PCDH9: variants seen among roughly 807,000 people sequenced by gnomAD.
PCDH9 encodes the protein protocadherin-9.
PCDH9 carries 24 observed loss-of-function variants against 70.6 expected under a neutral mutation model. The observed-to-expected ratio is 0.34, with a 90% CI of 0.25 to 0.48. The LOEUF is 0.48. Ranked by LOEUF, PCDH9 falls within the 20% of genes least tolerant of loss-of-function variation. The pLI, the probability that PCDH9 is intolerant of heterozygous loss-of-function variation, is 0.99. For synonymous variants in PCDH9, 562 were observed against 558.5 expected (o/e 1.01, Z -0.09); for missense variants, 1,281 against 1,503.6 (o/e 0.85, Z 2.45).
chr13:66,338,882 GA>G (rs34291752), intron 4 of PCDH9, among the ~76,000 whole-genome samples: 1 of 150,490 alleles, frequency 6.6e-6, no homozygotes, highest in East Asian at 1.9e-4. Context: ...TGGTAGAAGA[GA>G]AAAAAAAAGA....
chr13:66,862,110 T>C (rs1315655189), intron 3 of PCDH9, among the ~76,000 whole-genome samples: 1 of 152,204 alleles, frequency 6.6e-6, no homozygotes, highest in Non-Finnish European at 1.5e-5. Context: ...CTAAACAGTA[T>C]TAGCAGCATG....
intron 3 of PCDH9, among the ~76,000 whole-genome samples, chr13:66,885,743 T>C (rs2081994200): frequency 6.6e-6 from 1 of 152,176 alleles, no homozygotes; most frequent in South Asian, 2.1e-4. Flanking sequence ...TTGAAACTTA[T>C]AAGAATAAAA....
chr13:67,093,620 T>G (rs1486407998), intron 2 of PCDH9, among the ~76,000 whole-genome samples: 1 of 152,166 alleles, frequency 6.6e-6, no homozygotes, highest in Non-Finnish European at 1.5e-5. Context: ...TGTTTCTCAT[T>G]AGCAGACCAA....
intron 2 of PCDH9, among the ~76,000 whole-genome samples, chr13:67,140,739 T>A (rs2087362531): frequency 6.6e-6 from 1 of 152,200 alleles, no homozygotes; most frequent in Non-Finnish European, 1.5e-5. Flanking sequence ...TGCTTCTCTT[T>A]TTTTAGGATA....
At chr13:66,386,000 A>G (rs997638384) in intron 4 of PCDH9, among the ~76,000 whole-genome samples, 2 of 152,076 alleles carry the variant, frequency 1.3e-5, no homozygotes, top group East Asian at 3.9e-4. Context: ...ATCTGATAAA[A>G]AAAAAAAAAG....
chr13:67,028,439 G>C (rs1400238793), intron 2 of PCDH9, among the ~76,000 whole-genome samples: 1 of 104,342 alleles, frequency 9.6e-6, no homozygotes, highest in Non-Finnish European at 1.8e-5. Flanking sequence ...GAGGGGGGAG[G>C]GATAGCTTTA....
chr13:66,857,795 A>C (rs1438498330), intron 3 of PCDH9, among the ~76,000 whole-genome samples: 3 of 152,104 alleles, frequency 2.0e-5, no homozygotes, highest in Non-Finnish European at 4.4e-5. Flanking sequence ...TTTGTCCCAT[A>C]ATTATTTCTT....
At chr13:66,636,094 T>G (rs948523575) in intron 3 of PCDH9, among the ~76,000 whole-genome samples, 6 of 152,156 alleles carry the variant, frequency 3.9e-5, no homozygotes, top group African/African-American at 1.4e-4. Context: ...TGTGTGAATC[T>G]GCATAAGCTA....
chr13:66,797,757 A>AT lies in PCDH9; in HGVS notation c.3138+105746dup, dbSNP rs577812806. Among the ~76,000 whole-genome samples the AT allele has an allele frequency of 8.5e-5, 13 of 152,186 alleles. No homozygotes were observed. In the South Asian group the frequency reaches 1.2e-3, roughly 15 times the overall value. Reference sequence around the variant, plus strand: ...ATTTAAATAAAAACACATATTGCTTATTTTTTTAATATGGGACATCACTGT... The same window carrying AT: ...ATTTAAATAAAAACACATATTGCTTATTTTTTTTAATATGGGACATCACTGT... On this transcript the variant is annotated intron_variant, in intron 3 of 4. Coordinates refer to ENST00000377865, the MANE Select transcript of PCDH9 (RefSeq NM_203487.3).
At chr13:66,425,619 C>A (rs1358722520) in intron 4 of PCDH9, among the ~76,000 whole-genome samples, 2 of 151,306 alleles carry the variant, frequency 1.3e-5, no homozygotes, top group African/African-American at 2.4e-5. Flanking sequence ...TTATAAAATC[C>A]TCCAAAGTTA....
At chr13:67,107,177 T>G (rs2086563245) in intron 2 of PCDH9, among the ~76,000 whole-genome samples, 2 of 150,642 alleles carry the variant, frequency 1.3e-5, no homozygotes, top group African/African-American at 4.9e-5. Context: ...GATCTTATGG[T>G]GCTTTTCATG....
intron 4 of PCDH9, among the ~76,000 whole-genome samples, chr13:66,355,014 C>A (rs1956356161): frequency 6.6e-6 from 1 of 152,128 alleles, no homozygotes; most frequent in Admixed American, 6.6e-5. Flanking sequence ...AACAAGCTCC[C>A]AGGTGCTGTT....
At chr13:66,562,573 A>T (rs1056580436) in intron 4 of PCDH9, among the ~76,000 whole-genome samples, 2 of 152,310 alleles carry the variant, frequency 1.3e-5, no homozygotes, top group Admixed American at 1.3e-4. Context: ...ACTGCCCTTT[A>T]TAAAACCATC....
At chr13:67,132,447 A>G (rs1169470235) in intron 2 of PCDH9, among the ~76,000 whole-genome samples, 2 of 152,120 alleles carry the variant, frequency 1.3e-5, no homozygotes, top group Non-Finnish European at 2.9e-5. Context: ...AGGTGAGTTC[A>G]CTATAAAGTT....
At chr13:66,914,082 A>C (rs899195880) in intron 2 of PCDH9, among the ~76,000 whole-genome samples, 1 of 151,964 alleles carries the variant, frequency 6.6e-6, no homozygotes, top group African/African-American at 2.4e-5. Context: ...ACAAGCCTAA[A>C]ACCTAACTAA....
At chr13:66,682,600 C>A (rs1416503223) in intron 3 of PCDH9, among the ~76,000 whole-genome samples, 1 of 151,830 alleles carries the variant, frequency 6.6e-6, no homozygotes, top group Non-Finnish European at 1.5e-5. Context: ...GGTCTCCTGG[C>A]TATTGAGTAC....
intron 2 of PCDH9, among the ~76,000 whole-genome samples, chr13:66,984,192 G>A (rs528785648): frequency 8.5e-5 from 13 of 152,084 alleles, no homozygotes; most frequent in South Asian, 2.1e-4. Flanking sequence ...TCTTTACTAC[G>A]TCAGATTCCA....
At chr13:67,127,696 G>GTGTC in intron 2 of PCDH9, among the ~76,000 whole-genome samples, 1 of 151,294 alleles carries the variant, frequency 6.6e-6, no homozygotes, top group South Asian at 2.1e-4. Context: ...GTGTGTGTGT[G>GTGTC]TGTGTATGTG....
intron 4 of PCDH9, among the ~76,000 whole-genome samples, chr13:66,582,841 T>A (rs972262633): frequency 1.2e-4 from 18 of 152,286 alleles, no homozygotes; most frequent in Middle Eastern, 3.4e-3. Context: ...CTTGTCAGAC[T>A]ATGACTCTTT....
Sources: allele counts gnomAD v4.1 joint callset (sites outside exome capture counted in the v4.1 genomes callset), GRCh38; gene constraint gnomAD v4.1.1; transcripts MANE v1.5; gene names NCBI Gene and HGNC (gene_info 2026-07-23, HGNC 2026-07-21).